The following GABRG3 variants were observed in gnomAD, a reference collection of about 807,000 sequenced individuals.
The protein encoded by GABRG3 is gamma-aminobutyric acid type A receptor subunit gamma3.
A neutral mutation model predicts 48.8 loss-of-function variants in GABRG3; 25 were observed. The observed-to-expected ratio is 0.51, with a 90% CI of 0.37 to 0.72. GABRG3 has a LOEUF of 0.72. GABRG3 is among the 30% of genes least tolerant of loss of function. The pLI is 0.00. For missense variants in GABRG3, 394 were observed against 577.9 expected (o/e 0.68, Z 3.26); for synonymous variants, 227 against 217.6 (o/e 1.04, Z -0.38).
chr15:27,394,543 G>T (rs1019510512), intron 5 of GABRG3, among the ~76,000 whole-genome samples: 1 of 151,962 alleles, frequency 6.6e-6, no homozygotes, highest in Non-Finnish European at 1.5e-5. Flanking sequence ...ATTTACCAGG[G>T]TTCTTTATTT....
intron 3 of GABRG3, among the ~76,000 whole-genome samples, chr15:27,061,821 G>T (rs1403511634): frequency 2.6e-5 from 4 of 152,134 alleles, no homozygotes; most frequent in African/African-American, 9.7e-5. Context: ...ATCCGGGCCT[G>T]GTGGAAGCCT....
chr15:27,317,689 A>G (rs1268607175), intron 3 of GABRG3, among the ~76,000 whole-genome samples: 1 of 152,212 alleles, frequency 6.6e-6, no homozygotes, highest in South Asian at 2.1e-4. Flanking sequence ...ACTGTGACCA[A>G]CTTCACGCTG....
chr15:27,293,443 CT>C (rs1805891867), intron 3 of GABRG3, among the ~76,000 whole-genome samples: 3 of 135,618 alleles, frequency 2.2e-5, no homozygotes, highest in African/African-American at 1.1e-4. Flanking sequence ...AATCCCAGCA[CT>C]TTGAGGGATC....
intron 2 of GABRG3, among the ~76,000 whole-genome samples, chr15:27,011,110 T>G (rs4887541): frequency 0.55 from 84,247 of 151,828 alleles, 23,840 homozygotes; most frequent in African/African-American, 0.64. Flanking sequence ...CAAGTGATCT[T>G]CCCGCCTCGG....
intron 5 of GABRG3, among the ~76,000 whole-genome samples, chr15:27,330,352 C>T (rs1893762394): frequency 2.6e-5 from 4 of 152,200 alleles, no homozygotes; most frequent in Admixed American, 2.6e-4. Context: ...ATAGATTTTT[C>T]CCTGAACCTT....
At chr15:27,096,915 A>G (rs777372313) in intron 3 of GABRG3, among the ~76,000 whole-genome samples, 10 of 140,662 alleles carry the variant, frequency 7.1e-5, no homozygotes, top group Non-Finnish European at 1.2e-4. Context: ...ATCTCGGCTC[A>G]CTGCAACCTC....
At chr15:27,403,973 G>C (rs1184422206) in intron 5 of GABRG3, among the ~76,000 whole-genome samples, 18 of 149,306 alleles carry the variant, frequency 1.2e-4, no homozygotes, top group Admixed American at 1.2e-3. Context: ...TGTAGTCCCA[G>C]CACTTTGGGA....
At position 27,496,036 on chromosome 15, in the gene GABRG3, A is replaced by C. The variant is rs372414546; in HGVS notation, c.712+15249A>C. 5.3e-5 allele frequency among the ~76,000 whole-genome samples: 8 copies of C among 152,296 alleles called. No individual in the cohort carries two copies. In the South Asian group the frequency reaches 1.7e-3, roughly 32 times the overall value. ...AGTCCAGGTTACCTACTTGGCCTTC[A>C]GTGATACTCCATGGGTGAGGTGCTC... On this transcript the variant is annotated intron_variant, in intron 6 of 9. Coordinates refer to ENST00000615808, the MANE Select transcript of GABRG3 (RefSeq NM_033223.5).
chr15:27,436,565 G>T (rs977543722), intron 5 of GABRG3, among the ~76,000 whole-genome samples: 1 of 152,210 alleles, frequency 6.6e-6, no homozygotes, highest in Non-Finnish European at 1.5e-5. Context: ...TAGTAACATG[G>T]TAACATGATT....
intron 3 of GABRG3, among the ~76,000 whole-genome samples, chr15:27,191,559 G>A (rs1254017679): frequency 6.6e-6 from 1 of 151,648 alleles, no homozygotes; most frequent in Non-Finnish European, 1.5e-5. Context: ...GCCTTTTTTT[G>A]TTTTCCATTT....
At chr15:27,194,385 C>G (rs988575797) in intron 3 of GABRG3, among the ~76,000 whole-genome samples, 7 of 152,116 alleles carry the variant, frequency 4.6e-5, no homozygotes, top group Non-Finnish European at 7.4e-5. Context: ...AGTTCCAAAC[C>G]TTCCTTTATT....
chr15:27,461,426 C>A (rs777547257), intron 5 of GABRG3, among the ~76,000 whole-genome samples: 1 of 152,172 alleles, frequency 6.6e-6, no homozygotes, highest in Non-Finnish European at 1.5e-5. Context: ...TCTCTGACTT[C>A]AAGAATGAAG....
intron 3 of GABRG3, among the ~76,000 whole-genome samples, chr15:27,163,809 T>C (rs1046972896): frequency 3.9e-5 from 6 of 152,216 alleles, no homozygotes; most frequent in African/African-American, 1.4e-4. Context: ...CTGTCTACCA[T>C]GTGCGAGTGG....
chr15:27,487,689 G>A (rs1890253408), intron 6 of GABRG3, among the ~76,000 whole-genome samples: 1 of 152,100 alleles, frequency 6.6e-6, no homozygotes, highest in Non-Finnish European at 1.5e-5. Context: ...TTTTTCCATT[G>A]TAGGATTATA....
intron 5 of GABRG3, among the ~76,000 whole-genome samples, chr15:27,408,759 G>C (rs1186552236): frequency 6.6e-6 from 1 of 152,160 alleles, no homozygotes; most frequent in African/African-American, 2.4e-5. Flanking sequence ...CACTAAGTCT[G>C]TTTGCCTGCA....
chr15:27,096,210 A>T (rs1168798472), intron 3 of GABRG3, among the ~76,000 whole-genome samples: 1 of 152,206 alleles, frequency 6.6e-6, no homozygotes, highest in East Asian at 1.9e-4. Context: ...TTAGTTTAGC[A>T]AATATTTATT....
chr15:27,386,951 T>C (rs1290159020), intron 5 of GABRG3, among the ~76,000 whole-genome samples: 1 of 152,212 alleles, frequency 6.6e-6, no homozygotes, highest in East Asian at 1.9e-4. Context: ...CTTTTGACAA[T>C]TTAAATAACT....
intron 3 of GABRG3, among the ~76,000 whole-genome samples, chr15:27,064,215 G>T (rs1201152763): frequency 6.6e-6 from 1 of 152,148 alleles, no homozygotes; most frequent in Non-Finnish European, 1.5e-5. Context: ...TTTGATACTG[G>T]ATACTTGCAG....
At chr15:27,419,362 G>T (rs1888041272) in intron 5 of GABRG3, among the ~76,000 whole-genome samples, 1 of 151,724 alleles carries the variant, frequency 6.6e-6, no homozygotes, top group Admixed American at 6.6e-5. Flanking sequence ...TTTTTTTCAT[G>T]TTCTGTCCCC....
Sources: allele counts gnomAD v4.1 joint callset (sites outside exome capture counted in the v4.1 genomes callset), GRCh38; gene constraint gnomAD v4.1.1; transcripts MANE v1.5; gene names NCBI Gene and HGNC (gene_info 2026-07-23, HGNC 2026-07-21).